Variants in TTC17 observed in about 807,000 individuals in gnomAD.
TTC17 encodes tetratricopeptide repeat protein 17.
A neutral mutation model predicts 143.8 loss-of-function variants in TTC17; 58 were observed. That is an observed-to-expected ratio of 0.40 (90% CI 0.33 to 0.50). The LOEUF (loss-of-function observed/expected upper bound fraction) is 0.50. TTC17 is among the 20% of genes least tolerant of loss of function. The probability of loss-of-function intolerance (pLI) is 0.49; values close to 1 mark genes in which losing one functional copy is unlikely to be tolerated. For synonymous variants in TTC17, 501 were observed against 497.8 expected (o/e 1.01, Z -0.09); for missense variants, 1,273 against 1,392.5 (o/e 0.91, Z 1.37).
intron 16 of TTC17, among the ~76,000 whole-genome samples, chr11:43,418,628 A>G (rs1383974662): frequency 2.0e-5 from 3 of 152,198 alleles, no homozygotes; most frequent in Non-Finnish European, 2.9e-5. Flanking sequence ...AGCAATGTCT[A>G]TGAAGTGCTC....
chr11:43,383,181 G>A (rs1458733915), intron 2 of TTC17, among the ~76,000 whole-genome samples: 1 of 152,150 alleles, frequency 6.6e-6, no homozygotes, highest in Non-Finnish European at 1.5e-5. Flanking sequence ...ATAGGCATGA[G>A]CCACCATGTC....
intron 1 of TTC17, among the ~76,000 whole-genome samples, chr11:43,364,047 CTTT>C (rs71308379): frequency 9.5e-5 from 9 of 94,450 alleles, no homozygotes; most frequent in Non-Finnish European, 1.9e-4. Flanking sequence ...TACAGATCCT[CTTT>C]TTTTTTTTTT....
intron 2 of TTC17, among the ~76,000 whole-genome samples, chr11:43,387,592 A>G (rs1857216952): frequency 6.6e-6 from 1 of 152,220 alleles, no homozygotes; most frequent in African/African-American, 2.4e-5. Flanking sequence ...GATCTGTACC[A>G]TGTCACTGTG....
intron 21 of TTC17, among the ~76,000 whole-genome samples, chr11:43,482,981 A>G (rs938116600): frequency 1.3e-5 from 2 of 152,116 alleles, no homozygotes; most frequent in Non-Finnish European, 2.9e-5. Context: ...AGAAAGTACA[A>G]ATTCTCAATA....
chr11:43,468,528 A>G (rs1334721060), intron 21 of TTC17, among the ~76,000 whole-genome samples: 3 of 152,240 alleles, frequency 2.0e-5, no homozygotes, highest in African/African-American at 7.2e-5. Context: ...AGCTAAAGCA[A>G]TAAAGCTACC....
At chr11:43,471,324 A>G (rs1948088809) in intron 21 of TTC17, among the ~76,000 whole-genome samples, 2 of 152,218 alleles carry the variant, frequency 1.3e-5, no homozygotes, top group African/African-American at 4.8e-5. Context: ...ACATTGGATG[A>G]GCAGGCAGCT....
rs778247323 is a variant in TTC17, at chr11:43,405,609, T to C, written c.1575T>C (p.Pro525=). Residue 525 remains proline, a synonymous_variant, in exon 12 of 24, where the codon CCT becomes CCC. Coordinates refer to ENST00000039989, the MANE Select transcript of TTC17 (RefSeq NM_018259.6). ...GGGAATTGCCAACGTATTTTCTGCC[T>C]CCGGAAAACAAAGGACTCAGGCAAG... The part of the protein sequence containing the change: ...VGGELPTYFL[P]PENKGLRIHE... 1 of 1,613,904 alleles carries C rather than the reference T, an allele frequency of 6.2e-7. No individual in the cohort carries two copies. Among genetic ancestry groups the C allele is most frequent in the South Asian group, 1.1e-5 (1 of 91,072 alleles).
chr11:43,428,409 T>C (rs1947077678), intron 16 of TTC17, among the ~76,000 whole-genome samples: 1 of 152,384 alleles, frequency 6.6e-6, no homozygotes, highest in South Asian at 2.1e-4. Context: ...GCTTTAGATA[T>C]GTAATCTGAT....
At chr11:43,360,227 T>C (rs1050850809) in intron 1 of TTC17, among the ~76,000 whole-genome samples, 1 of 152,196 alleles carries the variant, frequency 6.6e-6, no homozygotes, top group Non-Finnish European at 1.5e-5. Flanking sequence ...AAGTTAAGTA[T>C]AACTAAAAAT....
intron 21 of TTC17, among the ~76,000 whole-genome samples, chr11:43,476,425 TG>T (rs1409816325): frequency 1.3e-5 from 2 of 152,244 alleles, no homozygotes; most frequent in Non-Finnish European, 2.9e-5. Context: ...GGAGAATGCA[TG>T]GTGTATTCGT....
At chr11:43,382,809 A>T (rs1857021261) in intron 2 of TTC17, among the ~76,000 whole-genome samples, 1 of 152,224 alleles carries the variant, frequency 6.6e-6, no homozygotes, top group Non-Finnish European at 1.5e-5. Flanking sequence ...GTGAACCTTG[A>T]GTACCTAGTC....
At chr11:43,439,337 C>G (rs1372241986) in intron 16 of TTC17, among the ~76,000 whole-genome samples, 1 of 152,162 alleles carries the variant, frequency 6.6e-6, no homozygotes, top group Non-Finnish European at 1.5e-5. Context: ...TGAATGTGCT[C>G]TGCTTTGGAT....
intron 1 of TTC17, among the ~76,000 whole-genome samples, chr11:43,360,321 A>G (rs779026749): frequency 7.2e-5 from 11 of 152,270 alleles, no homozygotes; most frequent in African/African-American, 1.7e-4. Context: ...TATGACATAC[A>G]TAAAGAACAG....
chr11:43,380,011 T>A (rs1201048435), intron 2 of TTC17, among the ~76,000 whole-genome samples: 2 of 152,150 alleles, frequency 1.3e-5, no homozygotes, highest in African/African-American at 4.8e-5. Flanking sequence ...AACTGTAAGT[T>A]GTAGAAACAT....
intron 15 of TTC17, among the ~76,000 whole-genome samples, chr11:43,411,305 G>T (rs1858401281): frequency 6.6e-6 from 1 of 151,966 alleles, no homozygotes; most frequent in African/African-American, 2.4e-5. Context: ...TATCCTCTCT[G>T]GTTGGAGTAC....
chr11:43,478,016 A>C (rs1756650700), intron 21 of TTC17, among the ~76,000 whole-genome samples: 2 of 152,200 alleles, frequency 1.3e-5, no homozygotes, highest in African/African-American at 4.8e-5. Flanking sequence ...CCTATAAAGT[A>C]GTTTTGTCCC....
At chr11:43,386,895 T>A (rs907697924) in intron 2 of TTC17, among the ~76,000 whole-genome samples, 2 of 152,098 alleles carry the variant, frequency 1.3e-5, no homozygotes, top group Admixed American at 6.5e-5. Flanking sequence ...CAAGCAGTCC[T>A]CCTACCTCAG....
At chr11:43,361,462 C>T (rs1459172655) in intron 1 of TTC17, among the ~76,000 whole-genome samples, 5 of 152,204 alleles carry the variant, frequency 3.3e-5, no homozygotes, top group Admixed American at 3.3e-4. Flanking sequence ...GCCTAACCTA[C>T]CTTAAACGTG....
At chr11:43,373,388 A>G (rs896270291) in intron 1 of TTC17, among the ~76,000 whole-genome samples, 5 of 151,134 alleles carry the variant, frequency 3.3e-5, no homozygotes, top group Admixed American at 1.3e-4. Context: ...CAGTGGCGCA[A>G]TCTCTGCTCA....
Sources: allele counts gnomAD v4.1 joint callset (sites outside exome capture counted in the v4.1 genomes callset), GRCh38; gene constraint gnomAD v4.1.1; transcripts MANE v1.5; gene names NCBI Gene and HGNC (gene_info 2026-07-23, HGNC 2026-07-21).